Variants in VPS39 observed in about 807,000 individuals in gnomAD.
VPS39 encodes the protein VPS39 subunit of HOPS complex.
A neutral mutation model predicts 121.0 loss-of-function variants in VPS39; 70 were observed. The observed-to-expected ratio is 0.58, with a 90% confidence interval of 0.48 to 0.71. The LOEUF (loss-of-function observed/expected upper bound fraction) is 0.71, where lower values mean the gene tolerates loss of function less well. Among genes scored for constraint, VPS39 ranks in the 30% least tolerant of loss-of-function variants. VPS39 has a pLI of 0.00. For synonymous variants in VPS39, 378 were observed against 398.1 expected, an observed-to-expected ratio of 0.95 and a Z score of 0.60; for missense variants, 818 against 1,051.5, an observed-to-expected ratio of 0.78 and a Z score of 3.07.
chr15:42,170,663 G>A (rs1018114823), intron 11 of VPS39, among the ~76,000 whole-genome samples: 9 of 150,444 alleles, frequency 6.0e-5, no homozygotes, highest in African/African-American at 2.0e-4. Context: ...GAATCAAAAT[G>A]GTGCACGTTA....
intron 4 of VPS39, among the ~76,000 whole-genome samples, chr15:42,190,355 A>G (rs2049801221): frequency 6.6e-6 from 1 of 152,132 alleles, no homozygotes; most frequent in Non-Finnish European, 1.5e-5. Context: ...TCAGATGTTT[A>G]TCTGTGGACC....
intron 21 of VPS39, 64 bp from the exon 22 acceptor site, chr15:42,162,545 A>G (rs2049152516): frequency 2.0e-6 from 3 of 1,507,558 alleles, no homozygotes; most frequent in Admixed American, 4.3e-5. Context: ...CCCAGCACTG[A>G]GCATGCCTAA....
At chr15:42,207,429 C>T (rs913093094) in intron 1 of VPS39, among the ~76,000 whole-genome samples, 2 of 152,168 alleles carry the variant, frequency 1.3e-5, no homozygotes, top group Non-Finnish European at 2.9e-5. Context: ...GCCTTCTGCA[C>T]TAGTCAATCC....
chr15:42,194,837 C>G (rs1369110859), intron 2 of VPS39, among the ~76,000 whole-genome samples: 1 of 151,124 alleles, frequency 6.6e-6, no homozygotes, highest in Non-Finnish European at 1.5e-5. Context: ...AAAAAAATCT[C>G]TATTTGAAGT....
At position 42,163,693 on chromosome 15, in the gene VPS39, T is replaced by C. The variant is rs766253235; in HGVS notation, c.2062A>G (p.Met688Val). The change falls in exon 20 of 25, where the codon ATG becomes GTG. Residue 688 changes from methionine to valine, a missense_variant. Transcript: ENST00000318006. ...AAAAGAGCTTGTTCATGTTTCCCCA[T>C]GCGCCCCAACAGGAGAGCTCGTTCT... ...LEERALLLGR[M>V]GKHEQALFIY... 2.9e-5 allele frequency: 46 copies of C among 1,613,828 alleles called. No homozygotes were observed. The highest frequency in any genetic ancestry group is 5.3e-5 in the African/African-American group (4 of 74,996).
intron 2 of VPS39, among the ~76,000 whole-genome samples, chr15:42,197,736 A>G (rs1424925367): frequency 6.6e-6 from 1 of 152,180 alleles, no homozygotes; most frequent in Non-Finnish European, 1.5e-5. Flanking sequence ...ATCAGAGCCT[A>G]CGATCCCTAC....
At chr15:42,189,296 C>G in intron 4 of VPS39, 88 bp from the exon 5 acceptor site, 1 of 1,002,432 alleles carries the variant, frequency 1.0e-6, no homozygotes, top group Non-Finnish European at 1.6e-6. Context: ...ACTGTGTTAA[C>G]ATCTAGAAGA....
chr15:42,159,993 A>G lies in VPS39; in HGVS notation c.*761T>C, dbSNP rs548084432. ...GGGATGCAGGGCCTTGCCTAGGCAG[A>G]GAATGATGCTCTCCGAGGCATCTAG... On this transcript the variant is annotated 3_prime_UTR_variant, in exon 25 of 25. Transcript: ENST00000318006. The G allele has an allele frequency of 3.9e-5, 6 of 152,360 alleles. No individual in the cohort carries two copies. Among genetic ancestry groups the G allele is most frequent in the Non-Finnish European group, 8.8e-5 (6 of 68,124 alleles). The allele number at this position is 152,360 out of a possible 1,614,324, so 9.4% of individuals were successfully genotyped here.
chr15:42,170,418 G>A (rs954804177), intron 11 of VPS39, among the ~76,000 whole-genome samples: 12 of 152,084 alleles, frequency 7.9e-5, no homozygotes, highest in South Asian at 4.1e-4. Flanking sequence ...TGGGAGGATC[G>A]CTTGAGCCCA....
At chr15:42,183,110 T>A (rs998743306) in intron 8 of VPS39, among the ~76,000 whole-genome samples, 2 of 151,968 alleles carry the variant, frequency 1.3e-5, no homozygotes, top group Non-Finnish European at 2.9e-5. Flanking sequence ...TTTTTTGTTT[T>A]TTTTTTTGAG....
intron 15 of VPS39, 57 bp downstream of exon 15, chr15:42,166,506 G>C (rs1268452981): frequency 6.3e-7 from 1 of 1,581,440 alleles, no homozygotes. Context: ...GAAACAGAGG[G>C]AGACCAGGTC....
intron 1 of VPS39, among the ~76,000 whole-genome samples, chr15:42,206,684 C>T (rs2050179877): frequency 1.3e-5 from 2 of 152,166 alleles, no homozygotes; most frequent in South Asian, 4.1e-4. Flanking sequence ...TAATAGGCAG[C>T]ATATGTCTCT....
chr15:42,184,944 C>A (rs1348637968), intron 7 of VPS39, among the ~76,000 whole-genome samples: 1 of 152,230 alleles, frequency 6.6e-6, no homozygotes, highest in East Asian at 1.9e-4. Flanking sequence ...TGCAGAGCAA[C>A]TAGAACTCAC....
chr15:42,169,253 G>A (rs528385626), intron 12 of VPS39, among the ~76,000 whole-genome samples: 2 of 152,180 alleles, frequency 1.3e-5, no homozygotes, highest in East Asian at 1.9e-4. Context: ...CTAATTCATA[G>A]ATATACAAGT....
In VPS39 at chr15:42,166,902, G is replaced by C. The variant is rs752368289; in HGVS notation, c.1389C>G (p.Ala463=). The C allele has an allele frequency of 6.2e-7, 1 of 1,614,064 alleles. No individual in the cohort carries two copies. Among genetic ancestry groups the C allele is most frequent in the Non-Finnish European group, 8.5e-7 (1 of 1,180,038 alleles). ...CCAGGCGTAGCAAGGGGGCCACCAG[G>C]GCCACATTTGTCTGCAGAAAGAGCA... ...LLKCYLHTNV[A]LVAPLLRLEN... is the part of the protein sequence containing the mutation. The change falls in exon 14 of 25, where the codon GCC becomes GCG. Residue 463 remains alanine, a synonymous_variant. Transcript: ENST00000318006.
At chr15:42,169,486 G>C (rs990161394) in intron 12 of VPS39, among the ~76,000 whole-genome samples, 7 of 152,134 alleles carry the variant, frequency 4.6e-5, no homozygotes, top group Admixed American at 4.6e-4. Flanking sequence ...TAACAGCTTT[G>C]TGTGAATTTA....
chr15:42,207,167 AC>A (rs11300947), intron 1 of VPS39, among the ~76,000 whole-genome samples: 4,788 of 152,338 alleles, frequency 0.031, 260 homozygotes, highest in African/African-American at 0.11. Flanking sequence ...GGTATCAGAC[AC>A]CACCAAGATT....
rs2049187976 is a variant in VPS39 at position 42,163,781 on chromosome 15, G to A, written c.2027-53C>T. 7 of 1,348,692 alleles carry A rather than the reference G, an allele frequency of 5.2e-6. No individual in the cohort carries two copies. In the Admixed American group the frequency reaches 9.9e-5, roughly 19 times the overall value. The allele number at this position is 1,348,692 out of a possible 1,614,324, so 83.5% of individuals were successfully genotyped here. On this transcript the variant is annotated intron_variant, in intron 19 of 24. Coordinates refer to ENST00000318006, the MANE Select transcript of VPS39 (RefSeq NM_015289.5). ...ACTGCCGCCATCACGCAAGCACAAG[G>A]TGGGGGCTATGCTGTCAGAGGAGTG...
At chr15:42,187,631 C>T in intron 6 of VPS39, 127 bp downstream of exon 6, 1 of 848,688 alleles carries the variant, frequency 1.2e-6, no homozygotes, top group Non-Finnish European at 1.9e-6. Flanking sequence ...CATCAACAAG[C>T]TCTCATGCAC....
Sources: allele counts gnomAD v4.1 joint callset (sites outside exome capture counted in the v4.1 genomes callset), GRCh38; gene constraint gnomAD v4.1.1; transcripts MANE v1.5; gene names NCBI Gene and HGNC (gene_info 2026-07-23, HGNC 2026-07-21).